The following PCDH9 variants were observed in gnomAD, a reference collection of about 807,000 sequenced individuals.
PCDH9 encodes the protein protocadherin 9.
Under a neutral mutation model 70.6 loss-of-function variants are expected in PCDH9, and 24 were observed. The observed-to-expected ratio is 0.34, with a 90% CI of 0.25 to 0.48. The LOEUF (loss-of-function observed/expected upper bound fraction) is 0.48, where lower values mean the gene tolerates loss of function less well. Ranked by LOEUF, PCDH9 falls within the 20% of genes least tolerant of loss-of-function variation. The pLI is 0.99. For synonymous variants in PCDH9, 562 were observed against 558.5 expected (o/e 1.01, Z -0.09); for missense variants, 1,281 against 1,503.6 (o/e 0.85, Z 2.45).
At chr13:67,027,367 G>A (rs556076829) in intron 2 of PCDH9, among the ~76,000 whole-genome samples, 1 of 152,324 alleles carries the variant, frequency 6.6e-6, no homozygotes, top group South Asian at 2.1e-4. Context: ...CTAGCCATAT[G>A]TAGAAAGCTG....
chr13:67,028,895 T>A (rs903895455), intron 2 of PCDH9, among the ~76,000 whole-genome samples: 6 of 152,150 alleles, frequency 3.9e-5, no homozygotes, highest in African/African-American at 1.4e-4. Context: ...CTTAACCTAA[T>A]GTAGACTGCC....
chr13:66,672,458 C>A (rs966252566), intron 3 of PCDH9, among the ~76,000 whole-genome samples: 3 of 152,198 alleles, frequency 2.0e-5, no homozygotes, highest in Admixed American at 6.5e-5. Context: ...TCATGCAGAA[C>A]CTCTGCTAGG....
At chr13:66,654,003 A>G (rs944201651) in intron 3 of PCDH9, among the ~76,000 whole-genome samples, 1 of 151,136 alleles carries the variant, frequency 6.6e-6, no homozygotes, top group African/African-American at 2.4e-5. Flanking sequence ...GAAAATCAGT[A>G]TGTCAAAGAG....
At chr13:67,029,854 T>A (rs1398669497) in intron 2 of PCDH9, among the ~76,000 whole-genome samples, 1 of 152,196 alleles carries the variant, frequency 6.6e-6, no homozygotes, top group Non-Finnish European at 1.5e-5. Context: ...TTTTTCAATT[T>A]AATAAGTATT....
At chr13:66,690,404 T>C (rs981457608) in intron 3 of PCDH9, among the ~76,000 whole-genome samples, 5 of 152,138 alleles carry the variant, frequency 3.3e-5, no homozygotes, top group Admixed American at 6.5e-5. Context: ...GATGATTCAA[T>C]TGTTCTTCAA....
At chr13:67,055,379 G>C (rs891376455) in intron 2 of PCDH9, among the ~76,000 whole-genome samples, 5 of 152,146 alleles carry the variant, frequency 3.3e-5, no homozygotes, top group African/African-American at 1.2e-4. Context: ...ATTTGAACAG[G>C]TATTATAAGC....
intron 2 of PCDH9, among the ~76,000 whole-genome samples, chr13:67,057,173 G>T (rs1284858507): frequency 2.0e-5 from 3 of 152,140 alleles, no homozygotes; most frequent in Non-Finnish European, 4.4e-5. Flanking sequence ...AATACGCATA[G>T]ATTAACAAAG....
At chr13:66,876,134 T>C (rs2081803332) in intron 3 of PCDH9, among the ~76,000 whole-genome samples, 3 of 152,196 alleles carry the variant, frequency 2.0e-5, no homozygotes, top group Non-Finnish European at 4.4e-5. Flanking sequence ...TATTTAGTAG[T>C]TGATAAAGTT....
chr13:66,544,257 C>G (rs1269206053), intron 4 of PCDH9, among the ~76,000 whole-genome samples: 1 of 152,084 alleles, frequency 6.6e-6, no homozygotes, highest in African/African-American at 2.4e-5. Context: ...TCATAATGAA[C>G]CTTTACCTGT....
intron 2 of PCDH9, among the ~76,000 whole-genome samples, chr13:66,987,198 T>C (rs531492109): frequency 4.6e-5 from 7 of 152,192 alleles, no homozygotes; most frequent in African/African-American, 1.7e-4. Context: ...TTATTCAATA[T>C]ATGCTTTGTA....
chr13:66,897,655 C>A (rs917958443), intron 3 of PCDH9, among the ~76,000 whole-genome samples: 1 of 152,094 alleles, frequency 6.6e-6, no homozygotes, highest in African/African-American at 2.4e-5. Context: ...AGGCATTAGA[C>A]ATGAGTGTAT....
At chr13:66,838,198 G>A (rs2081055796) in intron 3 of PCDH9, among the ~76,000 whole-genome samples, 1 of 151,674 alleles carries the variant, frequency 6.6e-6, no homozygotes, top group Admixed American at 6.6e-5. Context: ...ACTCATTACA[G>A]TCTAACTGGA....
intron 2 of PCDH9, chr13:67,214,904 C>G (rs1280764126): frequency 8.1e-6 from 1 of 123,524 alleles, no homozygotes; most frequent in Non-Finnish European, 1.7e-5. Context: ...AAACAGGTAA[C>G]ATTTTCTGAG....
At chr13:66,407,411 T>G (rs1050700753) in intron 4 of PCDH9, among the ~76,000 whole-genome samples, 4 of 152,174 alleles carry the variant, frequency 2.6e-5, no homozygotes, top group Non-Finnish European at 5.9e-5. Context: ...CTAAATTTAT[T>G]CTATAACTCC....
intron 4 of PCDH9, among the ~76,000 whole-genome samples, chr13:66,422,758 G>A (rs557293941): frequency 4.7e-4 from 71 of 152,052 alleles, no homozygotes; most frequent in Middle Eastern, 3.4e-3. Flanking sequence ...AGAGAAGCAA[G>A]AGCAAATAAA....
chr13:67,051,723 C>T (rs902096455), intron 2 of PCDH9, among the ~76,000 whole-genome samples: 1 of 151,954 alleles, frequency 6.6e-6, no homozygotes, highest in African/African-American at 2.4e-5. Context: ...TTAAAGGAAG[C>T]TGGTCATTCT....
chr13:66,823,247 T>A (rs2080746820), intron 3 of PCDH9, among the ~76,000 whole-genome samples: 1 of 151,962 alleles, frequency 6.6e-6, no homozygotes. Context: ...CATTTATACA[T>A]TTTTAGCTGT....
chr13:67,214,275 T>G (rs569394921), intron 2 of PCDH9: 1 of 152,190 alleles, frequency 6.6e-6, no homozygotes, highest in South Asian at 2.1e-4. Context: ...ATCTCAGAAA[T>G]ATGATCCATA....
At chr13:66,896,736 A>G (rs1373000090) in intron 3 of PCDH9, among the ~76,000 whole-genome samples, 1 of 152,198 alleles carries the variant, frequency 6.6e-6, no homozygotes. Flanking sequence ...AGAATATAAA[A>G]TTTAATAGCC....
Sources: allele counts gnomAD v4.1 joint callset (sites outside exome capture counted in the v4.1 genomes callset), GRCh38; gene constraint gnomAD v4.1.1; transcripts MANE v1.5; gene names NCBI Gene and HGNC (gene_info 2026-07-23, HGNC 2026-07-21).